LINGO2: variants seen among roughly 807,000 people sequenced by gnomAD.
LINGO2 encodes leucine-rich repeat and immunoglobulin-like domain-containing nogo receptor-interacting protein 2.
Under a neutral mutation model 30.6 loss-of-function variants are expected in LINGO2, and 14 were observed. The observed-to-expected ratio is 0.46, with a 90% CI of 0.30 to 0.72. LINGO2 has a LOEUF of 0.72. LINGO2 is among the 30% of genes least tolerant of loss of function. The pLI, the probability that LINGO2 is intolerant of heterozygous loss-of-function variation, is 0.07. For missense variants in LINGO2, 729 were observed against 751.7 expected (o/e 0.97, Z 0.35); for synonymous variants, 317 against 288.5 (o/e 1.10, Z -1.00).
intron 4 of LINGO2, among the ~76,000 whole-genome samples, chr9:28,229,280 C>A (rs1459767183): frequency 6.6e-6 from 1 of 151,484 alleles, no homozygotes; most frequent in Non-Finnish European, 1.5e-5. Context: ...AAAGAGATAA[C>A]CTTCCAAAAT....
intron 1 of LINGO2, among the ~76,000 whole-genome samples, chr9:28,503,268 G>T (rs1819967904): frequency 6.6e-6 from 1 of 151,932 alleles, no homozygotes; most frequent in Non-Finnish European, 1.5e-5. Context: ...TTATAAAAAT[G>T]CATTAAATGT....
intron 3 of LINGO2, among the ~76,000 whole-genome samples, chr9:28,371,466 A>G (rs141458642): frequency 2.6e-5 from 4 of 152,288 alleles, no homozygotes; most frequent in African/African-American, 9.6e-5. Context: ...TGAGAGGGGC[A>G]AGGTAACTCC....
At chr9:28,285,863 T>G (rs1564096084) in intron 4 of LINGO2, among the ~76,000 whole-genome samples, 1 of 152,142 alleles carries the variant, frequency 6.6e-6, no homozygotes, top group African/African-American at 2.4e-5. Context: ...TTCTAATAAA[T>G]TCTACCCAGT....
intron 4 of LINGO2, among the ~76,000 whole-genome samples, chr9:28,012,972 CAT>C (rs1462425100): frequency 2.0e-5 from 3 of 152,016 alleles, no homozygotes; most frequent in Admixed American, 6.6e-5. Flanking sequence ...TGCGGAATTA[CAT>C]AAAGAATGCT....
intron 4 of LINGO2, among the ~76,000 whole-genome samples, chr9:28,097,581 A>C (rs1360035173): frequency 8.4e-5 from 12 of 142,096 alleles, no homozygotes; most frequent in Non-Finnish European, 3.1e-5. Context: ...AAACTATCGC[A>C]AGAACAAAAA....
At chr9:28,796,155 G>A in the LINGO2 span, among the ~76,000 whole-genome samples, 1 of 151,680 alleles carries the variant, frequency 6.6e-6, no homozygotes, top group Non-Finnish European at 1.5e-5. Context: ...TGAGGGTAAA[G>A]ACTATTCACA....
chr9:29,088,786 G>A, the LINGO2 span, among the ~76,000 whole-genome samples: 1 of 152,092 alleles, frequency 6.6e-6, no homozygotes, highest in Non-Finnish European at 1.5e-5. Flanking sequence ...AATACGCAAT[G>A]CTCACAATAT....
At chr9:29,007,206 T>A in the LINGO2 span, among the ~76,000 whole-genome samples, 1 of 152,132 alleles carries the variant, frequency 6.6e-6, no homozygotes, top group African/African-American at 2.4e-5. Context: ...GACTTGATAC[T>A]GAATATTTCT....
the LINGO2 span, among the ~76,000 whole-genome samples, chr9:29,134,083 G>A: frequency 6.6e-6 from 1 of 152,004 alleles, no homozygotes; most frequent in Non-Finnish European, 1.5e-5. Flanking sequence ...TGTTTTCCTT[G>A]ATAACAATAT....
intron 4 of LINGO2, among the ~76,000 whole-genome samples, chr9:28,187,856 T>C (rs1819598276): frequency 1.3e-5 from 2 of 152,208 alleles, no homozygotes; most frequent in Non-Finnish European, 2.9e-5. Context: ...TATGATTTAA[T>C]TGTATACTAT....
intron 4 of LINGO2, among the ~76,000 whole-genome samples, chr9:28,238,167 G>A (rs1821648128): frequency 6.7e-6 from 1 of 148,592 alleles, no homozygotes; most frequent in Non-Finnish European, 1.5e-5. Flanking sequence ...GAGAGAGAGA[G>A]AGATCCCAAT....
At chr9:28,853,365 A>C in the LINGO2 span, among the ~76,000 whole-genome samples, 15 of 152,060 alleles carry the variant, frequency 9.9e-5, no homozygotes, top group Non-Finnish European at 2.9e-5. Flanking sequence ...AAGTGAATTA[A>C]AAGTTCATGT....
the LINGO2 span, among the ~76,000 whole-genome samples, chr9:28,876,541 A>G: frequency 6.6e-6 from 1 of 152,026 alleles, no homozygotes; most frequent in African/African-American, 2.4e-5. Flanking sequence ...GAGAATGATG[A>G]TATCCAATTT....
chr9:28,734,087 C>G, the LINGO2 span, among the ~76,000 whole-genome samples: 5 of 151,812 alleles, frequency 3.3e-5, no homozygotes, highest in African/African-American at 1.2e-4. Flanking sequence ...TATATATATA[C>G]CTATAATAAA....
rs1029929294 is a variant in LINGO2, at chr9:28,057,225, G to C, written c.-86-44820C>G. 2.0e-5 allele frequency among the ~76,000 whole-genome samples: 3 copies of C among 151,698 alleles called. No individual in the cohort carries two copies. In the South Asian group the frequency reaches 6.2e-4, roughly 31 times the overall value. ...TGAGGTATTCCAACTGATTTGGGCT[G>C]AAATATATTCCACATTTAACGCATT... On this transcript the variant is annotated intron_variant, in intron 4 of 5. Transcript: ENST00000379992.
In LINGO2 at chr9:28,574,511, T is replaced by G. The variant is rs535539401; in HGVS notation, c.-365+95689A>C. Among the ~76,000 whole-genome samples, 4 of 152,300 alleles carry G rather than the reference T, an allele frequency of 2.6e-5. No homozygotes were observed. In the South Asian group the frequency reaches 6.2e-4, roughly 24 times the overall value. ...TTTTGTGCTTCCACAGTAGCTGCTC[T>G]TTATGTTTTTAGTACATAGTTATTG... On this transcript the variant is annotated intron_variant, in intron 1 of 5. Coordinates refer to ENST00000379992, the Ensembl canonical transcript of LINGO2.
At chr9:29,038,499 C>CT in the LINGO2 span, among the ~76,000 whole-genome samples, 2 of 151,740 alleles carry the variant, frequency 1.3e-5, no homozygotes, top group Admixed American at 6.6e-5. Flanking sequence ...TGTTTCTCAC[C>CT]TTTTTTCCCC....
chr9:29,106,034 G>C, the LINGO2 span, among the ~76,000 whole-genome samples: 1 of 152,142 alleles, frequency 6.6e-6, no homozygotes, highest in African/African-American at 2.4e-5. Context: ...AAACATGCCA[G>C]AACCATGGGA....
At chr9:28,956,267 T>A in the LINGO2 span, among the ~76,000 whole-genome samples, 2 of 152,042 alleles carry the variant, frequency 1.3e-5, no homozygotes, top group Non-Finnish European at 2.9e-5. Context: ...TAATCTTAGT[T>A]GGAGAGGGGA....
Sources: allele counts gnomAD v4.1 joint callset (sites outside exome capture counted in the v4.1 genomes callset), GRCh38; gene constraint gnomAD v4.1.1; transcripts MANE v1.5; gene names NCBI Gene and HGNC (gene_info 2026-07-23, HGNC 2026-07-21).